The following PIK3R1 variants were observed in gnomAD, a reference collection of about 807,000 sequenced individuals.
The protein encoded by PIK3R1 is phosphatidylinositol 3-kinase regulatory subunit alpha.
In PIK3R1, 29 loss-of-function variants were observed where a neutral mutation model predicts 98.0. The ratio of observed to expected loss-of-function variants is 0.30; its 90% CI spans 0.22 to 0.40. PIK3R1 has a LOEUF of 0.40. Among genes scored for constraint, PIK3R1 ranks in the 10% least tolerant of loss-of-function variants. The pLI is 1.00. For synonymous variants in PIK3R1, 282 were observed against 311.8 expected (o/e 0.90, Z 1.01); for missense variants, 596 against 872.7 (o/e 0.68, Z 3.99).
intron 7 of PIK3R1, chr5:68,288,467 G>T (rs749172188): frequency 7.7e-7 from 1 of 1,292,754 alleles, no homozygotes; most frequent in African/African-American, 1.6e-5. Flanking sequence ...GGCAGTGAGC[G>T]GCGGTGGCCC....
At chr5:68,270,195 A>G (rs572505872) in intron 2 of PIK3R1, among the ~76,000 whole-genome samples, 1 of 152,318 alleles carries the variant, frequency 6.6e-6, no homozygotes, top group East Asian at 1.9e-4. Context: ...TGTAAAACAT[A>G]TAATGTTTTG....
intron 2 of PIK3R1, among the ~76,000 whole-genome samples, chr5:68,240,848 G>A (rs929682710): frequency 6.6e-6 from 1 of 152,132 alleles, no homozygotes; most frequent in East Asian, 1.9e-4. Flanking sequence ...TAGAAGAGAA[G>A]GATGAGGTGA....
At chr5:68,294,019 A>G (rs1222668263) in intron 11 of PIK3R1, among the ~76,000 whole-genome samples, 185 bp downstream of exon 11, 1 of 152,238 alleles carries the variant, frequency 6.6e-6, no homozygotes, top group Non-Finnish European at 1.5e-5. Context: ...AATTTTAAGT[A>G]TCAGAATAAT....
At chr5:68,242,432 A>T (rs1204655922) in intron 2 of PIK3R1, among the ~76,000 whole-genome samples, 5 of 151,572 alleles carry the variant, frequency 3.3e-5, no homozygotes, top group Non-Finnish European at 2.9e-5. Context: ...TATATCATCA[A>T]CCTGGGTTTA....
chr5:68,289,018 T>A (rs1269905351), intron 7 of PIK3R1, among the ~76,000 whole-genome samples: 2 of 152,048 alleles, frequency 1.3e-5, no homozygotes, highest in Non-Finnish European at 2.9e-5. Context: ...GGAGAGACCA[T>A]GGGAAAATCA....
At chr5:68,256,909 C>T (rs1035522498) in intron 2 of PIK3R1, among the ~76,000 whole-genome samples, 37 of 152,136 alleles carry the variant, frequency 2.4e-4, no homozygotes, top group African/African-American at 8.2e-4. Flanking sequence ...TGGCAAGTGG[C>T]GGGGATGCAG....
intron 2 of PIK3R1, among the ~76,000 whole-genome samples, chr5:68,259,940 G>A (rs1745676090): frequency 6.6e-6 from 1 of 152,078 alleles, no homozygotes; most frequent in Non-Finnish European, 1.5e-5. Context: ...ATATGAGCCT[G>A]GACAAATCAC....
chr5:68,296,407 T>A, intron 15 of PIK3R1, 66 bp downstream of exon 15: 1 of 1,456,170 alleles, frequency 6.9e-7, no homozygotes, highest in South Asian at 1.3e-5. Flanking sequence ...TATTCATTCA[T>A]TGAGTTTTGG....
rs1220723458 is a variant in PIK3R1 at position 68,300,408 on chromosome 5, A to G, written c.*2807A>G. 4.3e-6 allele frequency: 1 copy of G among 232,892 alleles called. No individual in the cohort carries two copies. Among genetic ancestry groups the G allele is most frequent in the East Asian group, 6.0e-5 (1 of 16,554 alleles). The allele number at this position is 232,892 out of a possible 1,614,324, so 14.4% of individuals were successfully genotyped here. ...GAATATGAATAGATACAGCAGAGGC[A>G]CTCCTGATATATGATTTTTATCCAT... On this transcript the variant is annotated 3_prime_UTR_variant, in exon 16 of 16. Transcript: ENST00000521381.
intron 1 of PIK3R1, among the ~76,000 whole-genome samples, chr5:68,219,326 C>T (rs1276243923): frequency 6.6e-6 from 1 of 152,162 alleles, no homozygotes; most frequent in African/African-American, 2.4e-5. Flanking sequence ...AATGATCATC[C>T]AAGAGAGTAT....
intron 7 of PIK3R1, among the ~76,000 whole-genome samples, chr5:68,283,398 C>T (rs1425586285): frequency 6.6e-6 from 1 of 152,166 alleles, no homozygotes; most frequent in African/African-American, 2.4e-5. Context: ...TGGGAGTACA[C>T]ATACTCTAAG....
At chr5:68,293,891 A>G in intron 11 of PIK3R1, 57 bp downstream of exon 11, 2 of 1,338,622 alleles carry the variant, frequency 1.5e-6, no homozygotes, top group South Asian at 1.4e-5. Context: ...TTTAAAGACT[A>G]ACATGGAAAA....
rs1744424553 is a variant in PIK3R1 at position 68,230,380 on chromosome 5, C to G, written c.334+3371C>G. ...AGTACCTAGGACAGTGTGGTAGTTT[C>G]CCAACATGCTGGTAAACAGGTGCTG... On this transcript the variant is annotated intron_variant, in intron 2 of 15. Coordinates refer to ENST00000521381, the MANE Select transcript of PIK3R1 (RefSeq NM_181523.3). 6.6e-5 allele frequency among the ~76,000 whole-genome samples: 10 copies of G among 152,346 alleles called. No homozygotes were observed. The South Asian group carries it at 2.1e-3, about 32-fold the overall frequency.
In PIK3R1 at chr5:68,298,584, T is replaced by A. The variant is rs1271350683; in HGVS notation, c.*983T>A. The stretch of plus-strand genomic sequence containing the variant: ...ACAGGATGCCAGTAAAAAAAAAAAA[T>A]GGCTTCAGAATTAAAACTATGAAAT... On this transcript the variant is annotated 3_prime_UTR_variant, in exon 16 of 16. Transcript: ENST00000521381. 11 of 226,652 alleles carry A rather than the reference T, an allele frequency of 4.9e-5. No individual in the cohort carries two copies. The highest frequency in any genetic ancestry group is 7.8e-5 in the Non-Finnish European group (9 of 115,642). 14.0% of individuals were successfully genotyped at this position (226,652 alleles called of 1,614,324 possible).
chr5:68,276,361 C>A (rs1472749493), intron 4 of PIK3R1, among the ~76,000 whole-genome samples: 1 of 152,166 alleles, frequency 6.6e-6, no homozygotes, highest in Non-Finnish European at 1.5e-5. Context: ...CAGACATTGC[C>A]AGATGGCTCA....
At chr5:68,263,213 ATTTC>A (rs1211354538) in intron 2 of PIK3R1, among the ~76,000 whole-genome samples, 1 of 136,580 alleles carries the variant, frequency 7.3e-6, no homozygotes, top group Non-Finnish European at 1.6e-5. Context: ...CTATATATAT[ATTTC>A]TACATATATA....
intron 2 of PIK3R1, among the ~76,000 whole-genome samples, chr5:68,256,514 G>A (rs1745521245): frequency 6.6e-6 from 1 of 152,198 alleles, no homozygotes; most frequent in African/African-American, 2.4e-5. Context: ...ACAGGTGTGA[G>A]CCACCGCACC....
At chr5:68,250,271 A>G (rs924302951) in intron 2 of PIK3R1, among the ~76,000 whole-genome samples, 3 of 152,188 alleles carry the variant, frequency 2.0e-5, no homozygotes, top group Admixed American at 6.5e-5. Context: ...GCCACGGGAC[A>G]GGGGGTCCTA....
At chr5:68,251,780 A>T (rs1196132528) in intron 2 of PIK3R1, among the ~76,000 whole-genome samples, 2 of 152,204 alleles carry the variant, frequency 1.3e-5, no homozygotes, top group Non-Finnish European at 2.9e-5. Flanking sequence ...ATTTCCCCAA[A>T]GGAAATCACA....
Sources: gnomAD v4.1 joint callset for allele counts (sites outside exome capture counted in the v4.1 genomes callset) on GRCh38, gnomAD v4.1.1 for gene constraint, MANE v1.5 for transcripts, NCBI Gene and HGNC (gene_info 2026-07-23, HGNC 2026-07-21) for gene names.